Variants in KAT6A observed in about 807,000 individuals in gnomAD.
KAT6A encodes the protein lysine acetyltransferase 6A.
A neutral mutation model predicts 198.4 loss-of-function variants in KAT6A; 9 were observed. The observed-to-expected ratio is 0.05, with a 90% confidence interval of 0.03 to 0.08. The LOEUF (loss-of-function observed/expected upper bound fraction) is 0.08, where lower values mean the gene tolerates loss of function less well. Among genes scored for constraint, KAT6A ranks in the 10% least tolerant of loss-of-function variants. The probability of loss-of-function intolerance (pLI) is 1.00; values close to 1 mark genes in which losing one functional copy is unlikely to be tolerated. For missense variants in KAT6A, 2,077 were observed against 2,509.9 expected (o/e 0.83, Z 3.69); for synonymous variants, 890 against 883.0 (o/e 1.01, Z -0.14).
chr8:42,023,535 T>C (rs1267655592), intron 2 of KAT6A, among the ~76,000 whole-genome samples: 1 of 151,960 alleles, frequency 6.6e-6, no homozygotes, highest in African/African-American at 2.4e-5. Flanking sequence ...TTGCCCAGGC[T>C]GGAGTGCAGT....
intron 8 of KAT6A, among the ~76,000 whole-genome samples, chr8:41,965,802 T>C (rs1437344102): frequency 1.3e-5 from 2 of 152,208 alleles, no homozygotes; most frequent in Non-Finnish European, 2.9e-5. Flanking sequence ...AGTTTCGGCA[T>C]GACGGGATTT....
intron 15 of KAT6A, among the ~76,000 whole-genome samples, chr8:41,939,989 G>C: frequency 6.6e-6 from 1 of 152,212 alleles, no homozygotes; most frequent in East Asian, 1.9e-4. Context: ...TTCTGTAAAT[G>C]TAAAACTGCT....
chr8:42,042,443 C>CAA (rs113300128), intron 2 of KAT6A, among the ~76,000 whole-genome samples: 7 of 115,758 alleles, frequency 6.0e-5, no homozygotes, highest in African/African-American at 9.7e-5. Context: ...CTCCATCTCT[C>CAA]AAAAAAAAAA....
At chr8:41,972,065 G>C (rs1823820628) in intron 8 of KAT6A, among the ~76,000 whole-genome samples, 1 of 152,104 alleles carries the variant, frequency 6.6e-6, no homozygotes, top group Non-Finnish European at 1.5e-5. Flanking sequence ...TGTGTTAAAA[G>C]GACAGAGGAG....
intron 2 of KAT6A, among the ~76,000 whole-genome samples, chr8:42,006,995 C>CAAAAAA (rs10701182): frequency 1.1e-5 from 1 of 88,198 alleles, no homozygotes; most frequent in Non-Finnish European, 2.2e-5. Context: ...GACTCCATCT[C>CAAAAAA]AAAAAAAAAA....
At chr8:42,009,994 AAAAT>A (rs754346633) in intron 2 of KAT6A, among the ~76,000 whole-genome samples, 78 of 152,022 alleles carry the variant, frequency 5.1e-4, no homozygotes, top group Admixed American at 7.9e-4. Flanking sequence ...CCAACAGAAA[AAAAT>A]AAATAAATAA....
At chr8:42,034,882 G>T (rs1827293135) in intron 2 of KAT6A, among the ~76,000 whole-genome samples, 1 of 152,196 alleles carries the variant, frequency 6.6e-6, no homozygotes, top group South Asian at 2.1e-4. Flanking sequence ...AGAAGAAAAT[G>T]TGGCAAAGAA....
intron 2 of KAT6A, among the ~76,000 whole-genome samples, chr8:42,029,081 G>A (rs958093557): frequency 2.0e-5 from 3 of 151,900 alleles, no homozygotes; most frequent in Non-Finnish European, 4.4e-5. Context: ...AGTATTCTTG[G>A]CCAGTAGTTT....
chr8:41,992,187 G>A (rs1422758783), intron 2 of KAT6A, among the ~76,000 whole-genome samples: 4 of 151,118 alleles, frequency 2.6e-5, no homozygotes, highest in Admixed American at 1.3e-4. Context: ...GCAACAGAGC[G>A]AGACTGTCTT....
chr8:42,035,675 T>C (rs537645070), intron 2 of KAT6A, among the ~76,000 whole-genome samples: 3 of 152,290 alleles, frequency 2.0e-5, no homozygotes, highest in African/African-American at 7.2e-5. Flanking sequence ...AGCTGAGAAC[T>C]CAGGTAAAAT....
intron 2 of KAT6A, among the ~76,000 whole-genome samples, chr8:41,992,372 T>G (rs552990510): frequency 1.3e-5 from 2 of 152,102 alleles, no homozygotes; most frequent in Non-Finnish European, 2.9e-5. Context: ...GAAATTGCAA[T>G]AGGTTTTAAT....
chr8:41,964,492 G>C (rs986880927), intron 8 of KAT6A, among the ~76,000 whole-genome samples: 2 of 151,956 alleles, frequency 1.3e-5, no homozygotes, highest in Non-Finnish European at 2.9e-5. Flanking sequence ...CTGAAAATCT[G>C]AAACCTGAAA....
At chr8:42,037,653 G>A (rs988621482) in intron 2 of KAT6A, among the ~76,000 whole-genome samples, 264 of 151,068 alleles carry the variant, frequency 1.7e-3, no homozygotes, top group African/African-American at 6.2e-3. Context: ...AAAGGTAAAC[G>A]GCAAAAGAAG....
intron 2 of KAT6A, among the ~76,000 whole-genome samples, chr8:42,008,903 T>C (rs746949055): frequency 1.8e-4 from 27 of 152,292 alleles, no homozygotes; most frequent in African/African-American, 5.5e-4. Flanking sequence ...CATTTTAAAA[T>C]TGTAATTTAA....
chr8:41,944,017 A>T (rs1228210846), intron 12 of KAT6A, 38 bp from the exon 13 acceptor site: 4 of 1,437,690 alleles, frequency 2.8e-6, no homozygotes, highest in African/African-American at 1.4e-5. Context: ...GAACTAGGTC[A>T]GCAACTCTGA....
chr8:42,034,876 G>T (rs1402958236), intron 2 of KAT6A, among the ~76,000 whole-genome samples: 1 of 152,160 alleles, frequency 6.6e-6, no homozygotes, highest in African/African-American at 2.4e-5. Flanking sequence ...TTTTATAGAA[G>T]AAAATGTGGC....
In KAT6A at chr8:41,977,175, G is replaced by A. The variant is rs558271730; in HGVS notation, c.1196C>T (p.Ser399Phe). The change falls in exon 7 of 17, where the codon TCC (serine) becomes TTC (phenylalanine). Residue 399 changes from serine to phenylalanine, a missense_variant. Ser to Phe is a radical substitution (Grantham distance 155). Coordinates refer to ENST00000265713, the MANE Select transcript of KAT6A (RefSeq NM_006766.5). Reference sequence around the variant, plus strand: ...TTTGGTTTTCTTGTTGAACTTCAAGGAGACATTGCTATCTCTGCAGAAGTC... The same window carrying A: ...TTTGGTTTTCTTGTTGAACTTCAAGAAGACATTGCTATCTCTGCAGAAGTC... ...GLDFCRDSNV[S>F]LKFNKKTKGL... 7 of 1,614,094 alleles carry A rather than the reference G, an allele frequency of 4.3e-6. No homozygotes were observed. In the South Asian group the frequency reaches 7.7e-5, roughly 18 times the overall value.
intron 2 of KAT6A, among the ~76,000 whole-genome samples, chr8:42,028,770 GTTGTT>G (rs1400339348): frequency 3.3e-5 from 5 of 152,112 alleles, no homozygotes; most frequent in Admixed American, 2.0e-4. Context: ...TAACCTTCTG[GTTGTT>G]TTGTGTATCC....
rs2150920624 is a variant in KAT6A at position 42,029,070 on chromosome 8, T to C, written c.600+19308A>G. 1.3e-5 allele frequency among the ~76,000 whole-genome samples: 2 copies of C among 152,340 alleles called. 1 individual carries two copies. Among genetic ancestry groups the C allele is most frequent in the South Asian group, 4.1e-4 (2 of 4,830 alleles). ...TCTAAAAAGACAGCTTTGTTAGGTG[T>C]AGTATTCTTGGCCAGTAGTTTCATT... On this transcript the variant is annotated intron_variant, in intron 2 of 16. Coordinates refer to ENST00000265713, the MANE Select transcript of KAT6A (RefSeq NM_006766.5).
Sources: gnomAD v4.1 joint callset for allele counts (sites outside exome capture counted in the v4.1 genomes callset) on GRCh38, gnomAD v4.1.1 for gene constraint, MANE v1.5 for transcripts, NCBI Gene and HGNC (gene_info 2026-07-23, HGNC 2026-07-21) for gene names.